Variants in SHC3 observed in about 807,000 individuals in gnomAD.
SHC3 encodes the protein SHC-transforming protein 3.
SHC3 carries 15 observed loss-of-function variants against 60.4 expected under a neutral mutation model. The observed-to-expected ratio is 0.25, with a 90% CI of 0.17 to 0.38. The LOEUF is 0.38. SHC3 is among the 10% of genes least tolerant of loss of function. SHC3 has a pLI of 1.00. For synonymous variants in SHC3, 294 were observed against 325.9 expected, an observed-to-expected ratio of 0.90 and a Z score of 1.05; for missense variants, 677 against 786.1, an observed-to-expected ratio of 0.86 and a Z score of 1.66.
rs550859131 is a variant in SHC3 at position 89,082,351 on chromosome 9, A to C, written c.546-4448T>G. ...GGCTCCTGTCATCAGCAGAAAGCTGACTGGGCCACATAGGTACCCCTCCCT... is the reference window on the plus strand; with the variant it reads ...GGCTCCTGTCATCAGCAGAAAGCTGCCTGGGCCACATAGGTACCCCTCCCT... On this transcript the variant is annotated intron_variant, in intron 2 of 11. Coordinates refer to ENST00000375835, the MANE Select transcript of SHC3 (RefSeq NM_016848.6). Among the ~76,000 whole-genome samples the C allele has an allele frequency of 3.7e-4, 56 of 152,272 alleles. 1 individual carries two copies. In the East Asian group the frequency reaches 3.7e-3, roughly 10 times the overall value.
chr9:89,064,423 G>C (rs949097027), intron 6 of SHC3, among the ~76,000 whole-genome samples: 1 of 152,198 alleles, frequency 6.6e-6, no homozygotes, highest in Non-Finnish European at 1.5e-5. Flanking sequence ...CATGTCGCTG[G>C]ACAGGAACTG....
At chr9:89,025,411 C>T (rs944479) in intron 11 of SHC3, among the ~76,000 whole-genome samples, 147,528 of 152,262 alleles carry the variant, frequency 0.97, 71,590 homozygotes, top group Middle Eastern at 1. Context: ...GAAATTAAGA[C>T]GTGATCCAGG....
intron 2 of SHC3, among the ~76,000 whole-genome samples, chr9:89,090,727 A>C (rs1825608867): frequency 6.6e-6 from 1 of 152,246 alleles, no homozygotes; most frequent in Non-Finnish European, 1.5e-5. Context: ...AGAAGGACCC[A>C]CAACAGGGAA....
intron 1 of SHC3, among the ~76,000 whole-genome samples, chr9:89,159,069 A>C (rs2118236259): frequency 6.6e-6 from 1 of 152,322 alleles, no homozygotes; most frequent in East Asian, 1.9e-4. Flanking sequence ...TGAGAAAAGA[A>C]TGTGTGACTT....
chr9:89,049,088 C>T (rs1824820606), intron 7 of SHC3, among the ~76,000 whole-genome samples: 1 of 152,092 alleles, frequency 6.6e-6, no homozygotes, highest in South Asian at 2.1e-4. Context: ...GGTGAAATCC[C>T]ATCTCTACTA....
chr9:89,115,874 C>T (rs1188468794), intron 1 of SHC3, among the ~76,000 whole-genome samples: 1 of 152,192 alleles, frequency 6.6e-6, no homozygotes, highest in African/African-American at 2.4e-5. Context: ...CTTAGAGTAA[C>T]ACAACCACAA....
intron 1 of SHC3, among the ~76,000 whole-genome samples, chr9:89,134,233 T>A (rs897650558): frequency 3.9e-5 from 6 of 152,134 alleles, no homozygotes; most frequent in Admixed American, 6.6e-5. Context: ...GAATGTGGAT[T>A]TCTTGCCTGT....
In SHC3 at chr9:89,156,084, A is replaced by C. The variant is rs193165074; in HGVS notation, c.474+21903T>G. Among the ~76,000 whole-genome samples the C allele has an allele frequency of 2.6e-3, 402 of 152,250 alleles. 3 individuals carry two copies. Among genetic ancestry groups the C allele is most frequent in the Non-Finnish European group, 3.7e-3 (254 of 68,016 alleles). On this transcript the variant is annotated intron_variant, in intron 1 of 11. Coordinates refer to ENST00000375835, the MANE Select transcript of SHC3 (RefSeq NM_016848.6). The stretch of plus-strand genomic sequence containing the variant: ...TGGGGCTGACCCATGTGACCAATAA[A>C]ATACTGTGAAGGTGACAGTGTGTGC...
At chr9:89,031,943 C>T (rs537723458) in intron 11 of SHC3, among the ~76,000 whole-genome samples, 1 of 152,292 alleles carries the variant, frequency 6.6e-6, no homozygotes, top group South Asian at 2.1e-4. Context: ...TGTGAGTCCC[C>T]TCCACAGCAC....
At chr9:89,148,489 T>C (rs913792408) in intron 1 of SHC3, among the ~76,000 whole-genome samples, 3 of 152,240 alleles carry the variant, frequency 2.0e-5, no homozygotes, top group Non-Finnish European at 4.4e-5. Context: ...TTCAACTTTT[T>C]CTCTCAGTTT....
At chr9:89,109,101 G>A (rs75693536) in intron 2 of SHC3, 32,274 of 985,362 alleles carry the variant, frequency 0.033, 617 homozygotes, top group Non-Finnish European at 0.036. Context: ...CTCTCAGCCT[G>A]GGCCAGGTCC....
At chr9:89,061,640 C>A (rs948214475) in intron 6 of SHC3, among the ~76,000 whole-genome samples, 1 of 152,194 alleles carries the variant, frequency 6.6e-6, no homozygotes, top group Non-Finnish European at 1.5e-5. Flanking sequence ...GAAGTTTGTG[C>A]CTTCCACAGT....
chr9:89,165,240 A>C, intron 1 of SHC3, among the ~76,000 whole-genome samples: 1 of 151,222 alleles, frequency 6.6e-6, no homozygotes, highest in South Asian at 2.1e-4. Context: ...AGATGAAAGA[A>C]AGAAAAGAAA....
intron 2 of SHC3, among the ~76,000 whole-genome samples, chr9:89,083,829 G>A (rs374197069): frequency 6.6e-6 from 1 of 152,150 alleles, no homozygotes; most frequent in South Asian, 2.1e-4. Flanking sequence ...ATGTCTGAGA[G>A]CTGGATTTGC....
intron 1 of SHC3, among the ~76,000 whole-genome samples, chr9:89,121,339 G>A (rs1804780364): frequency 6.6e-6 from 1 of 151,664 alleles, no homozygotes; most frequent in Non-Finnish European, 1.5e-5. Flanking sequence ...TGCCCAGGCT[G>A]GAGTGCAATG....
rs572847312 is a variant in SHC3 at position 89,024,633 on chromosome 9, A to C, written c.1657-11058T>G. On this transcript the variant is annotated intron_variant, in intron 11 of 11. Transcript: ENST00000375835. Reference sequence around the variant, plus strand: ...GGACCGTTTTCAGAATGAAAGGATTAATACAAGTGAAGTAGTTAGTACAGT... The same window carrying C: ...GGACCGTTTTCAGAATGAAAGGATTCATACAAGTGAAGTAGTTAGTACAGT... Among the ~76,000 whole-genome samples the C allele has an allele frequency of 3.9e-5, 6 of 152,358 alleles. No homozygotes were observed. The East Asian group carries it at 1.2e-3, about 29-fold the overall frequency.
intron 2 of SHC3, among the ~76,000 whole-genome samples, chr9:89,087,928 G>A (rs1300560115): frequency 6.6e-6 from 1 of 152,112 alleles, no homozygotes; most frequent in South Asian, 2.1e-4. Flanking sequence ...AGGCCCTGAA[G>A]GAAATGAAAG....
At position 89,147,118 on chromosome 9, in the gene SHC3, A is replaced by G. The variant is rs182894947; in HGVS notation, c.474+30869T>C. Among the ~76,000 whole-genome samples the G allele has an allele frequency of 2.5e-4, 38 of 152,218 alleles. No individual in the cohort carries two copies. The East Asian group carries it at 7.1e-3, about 29-fold the overall frequency. On this transcript the variant is annotated intron_variant, in intron 1 of 11. Coordinates refer to ENST00000375835, the MANE Select transcript of SHC3 (RefSeq NM_016848.6). ...TATAATATCGCATAGAAATGAGAAT[A>G]GAAGAGCCTCAACTGCATGCAACAG... is the stretch of plus-strand genomic sequence containing the variant.
Position 89,075,107 on chromosome 9 carries a change from A to G in SHC3, c.729+2T>C. 6.2e-7 allele frequency: 1 copy of G among 1,613,738 alleles called. No homozygotes were observed. The highest frequency in any genetic ancestry group is 8.5e-7 in the Non-Finnish European group (1 of 1,179,740). On this transcript the variant is annotated splice_donor_variant, in intron 4 of 11. Transcript: ENST00000375835. LOFTEE classifies it high-confidence loss of function. ...GGACAGGGGATCTGAGCACCCATGTACCTGTTTGGAGTCCGGAGTTCGCAG... is the reference window on the plus strand; with the variant it reads ...GGACAGGGGATCTGAGCACCCATGTGCCTGTTTGGAGTCCGGAGTTCGCAG...
Sources: allele counts gnomAD v4.1 joint callset (sites outside exome capture counted in the v4.1 genomes callset), GRCh38; gene constraint gnomAD v4.1.1; transcripts MANE v1.5; gene names NCBI Gene and HGNC (gene_info 2026-07-23, HGNC 2026-07-21).